The following SLC24A3 variants were observed in gnomAD, a reference collection of about 807,000 sequenced individuals.
The protein encoded by SLC24A3 is solute carrier family 24 member 3.
In SLC24A3, 28 loss-of-function variants were observed where a neutral mutation model predicts 75.8. That is an observed-to-expected ratio of 0.37 (90% CI 0.27 to 0.51). The LOEUF (loss-of-function observed/expected upper bound fraction) is 0.51, where lower values mean the gene tolerates loss of function less well. SLC24A3 is among the 20% of genes least tolerant of loss of function. SLC24A3 has a pLI of 0.94. For synonymous variants in SLC24A3, 372 were observed against 334.1 expected (o/e 1.11, Z -1.24); for missense variants, 663 against 847.8 (o/e 0.78, Z 2.71).
chr20:19,698,633 G>A lies in SLC24A3; in HGVS notation c.1672G>A (p.Gly558Ser), dbSNP rs540415344. ...SNVFDILIGL[G>S]LPWALQTLAV... ...CGTGTTTGACATCCTGATTGGCCTC[G>A]GTCTCCCCTGGGCTCTGCAGACCCT... Residue 558 changes from glycine to serine, a missense_variant, in exon 15 of 17, where the codon GGT (glycine) becomes AGT (serine). This residue lies in a region of SLC24A3 where 510 missense variants were observed against 703.6 expected (regional missense o/e 0.72). Transcript: ENST00000328041. 7 of 1,593,958 alleles carry A rather than the reference G, an allele frequency of 4.4e-6. No homozygotes were observed. Among genetic ancestry groups the A allele is most frequent in the South Asian group, 2.3e-5 (2 of 88,072 alleles).
intron 3 of SLC24A3, among the ~76,000 whole-genome samples, chr20:19,548,086 G>A (rs1473661006): frequency 6.6e-6 from 1 of 152,184 alleles, no homozygotes; most frequent in Non-Finnish European, 1.5e-5. Flanking sequence ...TTCAGTCCCA[G>A]TACATGAAGA....
intron 15 of SLC24A3, among the ~76,000 whole-genome samples, chr20:19,700,200 G>A (rs6136817): frequency 0.083 from 12,599 of 152,146 alleles, 935 homozygotes; most frequent in African/African-American, 0.19. Context: ...AATTCCACTG[G>A]AGTAGCCCAA....
chr20:19,395,519 C>T (rs1202897227), intron 2 of SLC24A3, among the ~76,000 whole-genome samples: 5 of 152,192 alleles, frequency 3.3e-5, no homozygotes, highest in South Asian at 2.1e-4. Context: ...TTGCTCTGTT[C>T]GTCTGACAGT....
rs111576020 is a variant in SLC24A3, at chr20:19,418,661, G to A, written c.272-96827G>A. The stretch of plus-strand genomic sequence containing the variant: ...CATTGAGTGCCCATCACCATGAATT[G>A]TAAAAGACCCTAATAATATAATATA... On this transcript the variant is annotated intron_variant, in intron 2 of 16. Transcript: ENST00000328041. 3.3e-3 allele frequency among the ~76,000 whole-genome samples: 501 copies of A among 151,366 alleles called. 3 individuals are homozygous for A. The highest frequency in any genetic ancestry group is 0.011 in the African/African-American group (472 of 41,362).
intron 1 of SLC24A3, among the ~76,000 whole-genome samples, chr20:19,250,514 T>C (rs368019100): frequency 6.6e-6 from 1 of 152,222 alleles, no homozygotes; most frequent in South Asian, 2.1e-4. Context: ...TTAATTGACC[T>C]GAGAATTACC....
intron 2 of SLC24A3, among the ~76,000 whole-genome samples, chr20:19,356,261 G>A (rs1568598280): frequency 6.6e-6 from 1 of 152,168 alleles, no homozygotes; most frequent in Non-Finnish European, 1.5e-5. Context: ...GAAATCCCCT[G>A]CAGACTTGTC....
intron 8 of SLC24A3, among the ~76,000 whole-genome samples, chr20:19,672,170 A>G (rs1265186736): frequency 6.6e-6 from 1 of 152,160 alleles, no homozygotes; most frequent in African/African-American, 2.4e-5. Flanking sequence ...TGCCAACTGA[A>G]TGAGAGGCAC....
At chr20:19,434,541 AT>A (rs112679398) in intron 2 of SLC24A3, among the ~76,000 whole-genome samples, 1 of 151,784 alleles carries the variant, frequency 6.6e-6, no homozygotes, top group Non-Finnish European at 1.5e-5. Flanking sequence ...GTGACAAATG[AT>A]TTTTTTTTCT....
rs2030227705 is a variant in SLC24A3 at position 19,527,909 on chromosome 20, A to G, written c.348+12345A>G. On this transcript the variant is annotated intron_variant, in intron 3 of 16. Coordinates refer to ENST00000328041, the MANE Select transcript of SLC24A3 (RefSeq NM_020689.4). Reference sequence around the variant, plus strand: ...ATTCAGTGTCCCACACATGAAAGGTACCCAAACATATCACCAACTAAGGGC... The same window carrying G: ...ATTCAGTGTCCCACACATGAAAGGTGCCCAAACATATCACCAACTAAGGGC... Among the ~76,000 whole-genome samples the G allele has an allele frequency of 3.3e-5, 5 of 152,186 alleles. No homozygotes were observed. The South Asian group carries it at 1.0e-3, about 32-fold the overall frequency.
intron 1 of SLC24A3, among the ~76,000 whole-genome samples, chr20:19,274,725 G>T (rs536675208): frequency 1.6e-4 from 24 of 152,308 alleles, no homozygotes; most frequent in African/African-American, 4.3e-4. Context: ...CAAGACTTCA[G>T]GGGGAGGGGC....
At chr20:19,684,069 G>A in intron 10 of SLC24A3, 107 bp from the exon 11 acceptor site, 4 of 1,283,124 alleles carry the variant, frequency 3.1e-6, no homozygotes, top group South Asian at 2.8e-5. Context: ...GAATGGATGG[G>A]AGGAAAGAAG....
intron 6 of SLC24A3, among the ~76,000 whole-genome samples, chr20:19,640,922 C>A (rs1568682404): frequency 6.6e-6 from 1 of 152,122 alleles, no homozygotes; most frequent in East Asian, 1.9e-4. Flanking sequence ...CTTTTGCAAC[C>A]AAATGCACCC....
intron 1 of SLC24A3, among the ~76,000 whole-genome samples, chr20:19,242,920 T>A (rs1022227295): frequency 6.6e-6 from 1 of 152,236 alleles, no homozygotes; most frequent in African/African-American, 2.4e-5. Context: ...TCTGGAAAGG[T>A]GTGCTGTAAA....
At chr20:19,563,980 G>A (rs1198044828) in intron 3 of SLC24A3, among the ~76,000 whole-genome samples, 2 of 152,130 alleles carry the variant, frequency 1.3e-5, no homozygotes, top group Non-Finnish European at 2.9e-5. Flanking sequence ...ACAGTTGAAT[G>A]AGTTTTGAAA....
At chr20:19,560,685 G>A (rs558578616) in intron 3 of SLC24A3, among the ~76,000 whole-genome samples, 13 of 152,214 alleles carry the variant, frequency 8.5e-5, no homozygotes, top group African/African-American at 3.1e-4. Flanking sequence ...CCAAGAATAG[G>A]GACCTTCGGT....
chr20:19,613,969 G>A (rs1336568095), intron 6 of SLC24A3, among the ~76,000 whole-genome samples: 1 of 152,172 alleles, frequency 6.6e-6, no homozygotes, highest in Non-Finnish European at 1.5e-5. Flanking sequence ...TTGTCCTGGC[G>A]CAGACTGTTG....
intron 1 of SLC24A3, among the ~76,000 whole-genome samples, chr20:19,268,496 C>T (rs1433848188): frequency 6.6e-6 from 1 of 152,160 alleles, no homozygotes; most frequent in East Asian, 1.9e-4. Context: ...CGCAAAGGAC[C>T]TTAGAGGTCA....
rs764583663 is a variant in SLC24A3 at position 19,693,366 on chromosome 20, G to A, written c.1432G>A (p.Val478Met). 1 of 1,614,168 alleles carries A rather than the reference G, an allele frequency of 6.2e-7. No individual in the cohort carries two copies. ...GCCGCGCTGGGAGAAATGGTTCATGGTGACGTTTGCTTCCTCCACGCTGTG... is the reference window on the plus strand; with the variant it reads ...GCCGCGCTGGGAGAAATGGTTCATGATGACGTTTGCTTCCTCCACGCTGTG... Reference protein sequence around the residue: ...NKPRWEKWFMVTFASSTLWIA... With the variant: ...NKPRWEKWFMMTFASSTLWIA... The change falls in exon 13 of 17, where the codon GTG becomes ATG. Residue 478 changes from valine (V) to methionine (M), a missense_variant. Val to Met is a conservative substitution (Grantham distance 21). Coordinates refer to ENST00000328041, the MANE Select transcript of SLC24A3 (RefSeq NM_020689.4).
At chr20:19,255,246 C>A (rs1012646) in intron 1 of SLC24A3, among the ~76,000 whole-genome samples, 1 of 152,292 alleles carries the variant, frequency 6.6e-6, no homozygotes, top group South Asian at 2.1e-4. Context: ...TGGCTTATCA[C>A]GGTGACCCAT....
Sources: gnomAD v4.1 joint callset for allele counts (sites outside exome capture counted in the v4.1 genomes callset) on GRCh38, gnomAD v4.1.1 for gene constraint, gnomAD v4.1.1 regional missense constraint, MANE v1.5 for transcripts, NCBI Gene and HGNC (gene_info 2026-07-23, HGNC 2026-07-21) for gene names.